Variants in TREX1 observed in about 807,000 individuals in gnomAD.
TREX1 encodes the protein three-prime repair exonuclease 1.
Under a neutral mutation model 13.7 loss-of-function variants are expected in TREX1, and 11 were observed. That is an observed-to-expected ratio of 0.80 (90% CI 0.51 to 1.33). The LOEUF (loss-of-function observed/expected upper bound fraction) is 1.33. Among genes scored for constraint, TREX1 ranks in the 40% most tolerant of loss-of-function variants. The pLI is 0.00. For synonymous variants in TREX1, 178 were observed against 178.8 expected (o/e 1.00, Z 0.03); for missense variants, 409 against 404.4 (o/e 1.01, Z -0.10).
Position 48,467,388 on chromosome 3 carries a change from C to CCAT in TREX1, c.735_737dup (p.Ser246dup), listed in dbSNP as rs1460105875. 3.1e-6 allele frequency: 5 copies of CCAT among 1,614,074 alleles called. No individual in the cohort carries two copies. Among genetic ancestry groups the CCAT allele is most frequent in the African/African-American group, 2.7e-5 (2 of 74,934 alleles). Reference sequence around the variant, plus strand: ...AGCCTCTGCTAGGACCAAGCCAAGACCATCTGCTGTCACAACCACTGCACA... The same window carrying CCAT: ...AGCCTCTGCTAGGACCAAGCCAAGACCATCATCTGCTGTCACAACCACTGCACA... On this transcript the variant is annotated inframe_insertion, in exon 2 of 2. Coordinates refer to ENST00000625293, the MANE Select transcript of TREX1 (RefSeq NM_033629.6).
At chr3:48,466,595 G>A (rs988665990) in intron 1 of TREX1, 35 bp from the exon 2 acceptor site, 1 of 1,613,612 alleles carries the variant, frequency 6.2e-7, no homozygotes, top group Non-Finnish European at 8.5e-7. Flanking sequence ...TCTTAACACT[G>A]GGCACTCACA....
Position 48,467,189 on chromosome 3 carries a change from C to A in TREX1, c.534C>A (p.Ser178Arg), listed in dbSNP as rs1424706594. 6.2e-7 allele frequency: 1 copy of A among 1,613,916 alleles called. No homozygotes were observed. The stretch of plus-strand genomic sequence containing the variant: ...AACACGGCCCAAGGAAGAGCTATAG[C>A]CTAGGCAGCATCTACACTCGCCTGT... ...PSEHGPRKSYSLGSIYTRLYG... is the reference protein window; with the variant it reads ...PSEHGPRKSYRLGSIYTRLYG... Residue 178 changes from serine to arginine, a missense_variant, in exon 2 of 2, where the codon AGC (serine) becomes AGA (arginine). Physicochemically the swap from Ser to Arg is moderately radical, Grantham distance 110. Coordinates refer to ENST00000625293, the MANE Select transcript of TREX1 (RefSeq NM_033629.6).
upstream of TREX1, chr3:48,465,950 A>G (rs1003727618): frequency 3.5e-6 from 1 of 287,124 alleles, no homozygotes; most frequent in Non-Finnish European, 6.8e-6. Flanking sequence ...TGGGCATGAA[A>G]GGGCCGCAGC....
At position 48,467,338 on chromosome 3, in the gene TREX1, C is replaced by T. The variant is rs777802035; in HGVS notation, c.683C>T (p.Thr228Ile). 5 of 1,614,060 alleles carry T rather than the reference C, an allele frequency of 3.1e-6. No homozygotes were observed. The African/African-American group carries it at 4.0e-5, about 13-fold the overall frequency. Residue 228 changes from threonine to isoleucine, a missense_variant, in exon 2 of 2, where the codon ACC becomes ATC. Thr to Ile is a moderately conservative substitution (Grantham distance 89). Transcript: ENST00000625293. ...GATGCTCACGCCAGGCCTTTCGGCA[C>T]CATCAGGCCCATGTATGGGGTCACA... Reference protein sequence around the residue: ...WVDAHARPFGTIRPMYGVTAS... With the variant: ...WVDAHARPFGIIRPMYGVTAS...
Position 48,466,717 on chromosome 3 carries a change from C to T in TREX1, c.62C>T (p.Ala21Val). The T allele has an allele frequency of 6.2e-7, 1 of 1,614,108 alleles. No homozygotes were observed. Among genetic ancestry groups the T allele is most frequent in the Non-Finnish European group, 8.5e-7 (1 of 1,180,030 alleles). The change falls in exon 2 of 2, where the codon GCC becomes GTC. Residue 21 changes from alanine to valine, a missense_variant. Physicochemically the swap from Ala to Val is moderately conservative, Grantham distance 64. Coordinates refer to ENST00000625293, the MANE Select transcript of TREX1 (RefSeq NM_033629.6). The stretch of plus-strand genomic sequence containing the variant: ...ACCCTCATCTTTTTCGACATGGAGG[C>T]CACTGGCTTGCCCTTCTCCCAGCCC... ...MQTLIFFDME[A>V]TGLPFSQPKV... is the part of the protein sequence containing the mutation.
In TREX1 at chr3:48,467,502, TCCAGGGAGGGGCTGCTGGCC is replaced by T; in HGVS notation, c.851_870del (p.Arg284ThrfsTer34). Reference sequence around the variant, plus strand: ...TCCAGTGAAGGACCCTGGAGCCCTATCCAGGGAGGGGCTGCTGGCCCCACTGGGTCTGCTGGCCATCCTGA... The same window carrying T: ...TCCAGTGAAGGACCCTGGAGCCCTATCCACTGGGTCTGCTGGCCATCCTGA... On this transcript the variant is annotated frameshift_variant, in exon 2 of 2. Coordinates refer to ENST00000625293, the MANE Select transcript of TREX1 (RefSeq NM_033629.6). LOFTEE classifies it high-confidence loss of function. 3 of 1,614,082 alleles carry T rather than the reference TCCAGGGAGGGGCTGCTGGCC, an allele frequency of 1.9e-6. No individual in the cohort carries two copies. The highest frequency in any genetic ancestry group is 2.5e-6 in the Non-Finnish European group (3 of 1,180,008).
chr3:48,466,874 G>A lies in TREX1; in HGVS notation c.219G>A (p.Pro73=), dbSNP rs778992418. The change falls in exon 2 of 2, where the codon CCG becomes CCA. Residue 73 remains proline, a synonymous_variant. Transcript: ENST00000625293. Reference sequence around the variant, plus strand: ...ACAAGCTCTCCCTGTGTGTGGCTCCGGGGAAGGCCTGCAGCCCTGCAGCCA... The same window carrying A: ...ACAAGCTCTCCCTGTGTGTGGCTCCAGGGAAGGCCTGCAGCCCTGCAGCCA... ...VVDKLSLCVA[P]GKACSPAASE... is the part of the protein sequence containing the mutation. The A allele has an allele frequency of 9.0e-5, 145 of 1,613,148 alleles. No individual in the cohort carries two copies. The highest frequency in any genetic ancestry group is 1.1e-4 in the Non-Finnish European group (124 of 1,180,012).
chr3:48,467,278 G>C lies in TREX1; in HGVS notation c.623G>C (p.Cys208Ser), dbSNP rs146524913. Residue 208 changes from cysteine to serine, a missense_variant, in exon 2 of 2, where the codon TGT becomes TCT. Transcript: ENST00000625293. The part of the protein sequence containing the change: ...EGDVLALLSI[C>S]QWRPQALLRW... ...GATGTCCTGGCCCTGCTCAGCATCT[G>C]TCAGTGGAGACCACAGGCCCTGCTG... is the stretch of plus-strand genomic sequence containing the variant. The C allele has an allele frequency of 2.0e-4, 315 of 1,614,060 alleles. No individual in the cohort carries two copies. Among genetic ancestry groups the C allele is most frequent in the Non-Finnish European group, 2.6e-4 (310 of 1,180,038 alleles).
In TREX1 at chr3:48,466,750, C is replaced by G. The variant is rs755138065; in HGVS notation, c.95C>G (p.Thr32Arg). Residue 32 changes from threonine (T) to arginine (R), a missense_variant, in exon 2 of 2, where the codon ACG becomes AGG. Thr to Arg is a moderately conservative substitution (Grantham distance 71, BLOSUM62 -1). Transcript: ENST00000625293. The part of the protein sequence containing the change: ...TGLPFSQPKV[T>R]ELCLLAVHRC... ...TTGCCCTTCTCCCAGCCCAAGGTCA[C>G]GGAGCTGTGCCTGCTGGCTGTCCAC... 6.2e-7 allele frequency: 1 copy of G among 1,613,976 alleles called. No individual in the cohort carries two copies. Among genetic ancestry groups the G allele is most frequent in the South Asian group, 1.1e-5 (1 of 91,086 alleles).
chr3:48,467,191 T>G lies in TREX1; in HGVS notation c.536T>G (p.Leu179Arg), dbSNP rs886058625. The change falls in exon 2 of 2, where the codon CTA becomes CGA. Residue 179 changes from leucine (L) to arginine (R), a missense_variant. Coordinates refer to ENST00000625293, the MANE Select transcript of TREX1 (RefSeq NM_033629.6). Reference sequence around the variant, plus strand: ...CACGGCCCAAGGAAGAGCTATAGCCTAGGCAGCATCTACACTCGCCTGTAT... The same window carrying G: ...CACGGCCCAAGGAAGAGCTATAGCCGAGGCAGCATCTACACTCGCCTGTAT... Reference protein sequence around the residue: ...SEHGPRKSYSLGSIYTRLYGQ... With the variant: ...SEHGPRKSYSRGSIYTRLYGQ... 1.9e-6 allele frequency: 3 copies of G among 1,613,682 alleles called. No individual in the cohort carries two copies. The East Asian group carries it at 6.7e-5, about 36-fold the overall frequency.
At position 48,466,933 on chromosome 3, in the gene TREX1, C is replaced by T. The variant is rs1386396939; in HGVS notation, c.278C>T (p.Ala93Val). The T allele has an allele frequency of 6.2e-7, 1 of 1,611,496 alleles. No individual in the cohort carries two copies. Among genetic ancestry groups the T allele is most frequent in the Non-Finnish European group, 8.5e-7 (1 of 1,180,016 alleles). Residue 93 changes from alanine to valine, a missense_variant, in exon 2 of 2, where the codon GCA (alanine) becomes GTA (valine). Ala to Val is a moderately conservative substitution (Grantham distance 64). Transcript: ENST00000625293. ...EITGLSTAVL[A>V]AHGRQCFDDN... ...ACAGGTCTGAGCACAGCTGTGCTGG[C>T]AGCGCATGGGCGTCAATGTTTTGAT... is the stretch of plus-strand genomic sequence containing the variant.
chr3:48,467,483 G>A lies in TREX1; in HGVS notation c.828G>A (p.Val276=), dbSNP rs149654159. ...ESRGTKDLPP[V]KDPGALSREG... is the part of the protein sequence containing the mutation. ...GGGGTACCAAGGATCTTCCTCCAGT[G>A]AAGGACCCTGGAGCCCTATCCAGGG... Residue 276 remains valine, a synonymous_variant, in exon 2 of 2, where the codon GTG becomes GTA. Coordinates refer to ENST00000625293, the MANE Select transcript of TREX1 (RefSeq NM_033629.6). 3 of 1,614,022 alleles carry A rather than the reference G, an allele frequency of 1.9e-6. No homozygotes were observed. The highest frequency in any genetic ancestry group is 1.7e-5 in the Admixed American group (1 of 60,016).
In TREX1 at chr3:48,467,002, C is replaced by T. The variant is rs765151974; in HGVS notation, c.347C>T (p.Pro116Leu). The change falls in exon 2 of 2, where the codon CCA becomes CTA. Residue 116 changes from proline to leucine, a missense_variant. Physicochemically the swap from Pro to Leu is moderately conservative, Grantham distance 98. Coordinates refer to ENST00000625293, the MANE Select transcript of TREX1 (RefSeq NM_033629.6). Reference sequence around the variant, plus strand: ...CTCCTAGCCTTCCTGCGGCGCCAGCCACAGCCCTGGTGCCTGGTGGCACAC... The same window carrying T: ...CTCCTAGCCTTCCTGCGGCGCCAGCTACAGCCCTGGTGCCTGGTGGCACAC... ...NLLLAFLRRQ[P>L]QPWCLVAHNG... is the part of the protein sequence containing the mutation. 6 of 1,613,822 alleles carry T rather than the reference C, an allele frequency of 3.7e-6. No individual in the cohort carries two copies. Among genetic ancestry groups the T allele is most frequent in the African/African-American group, 1.3e-5 (1 of 75,060 alleles).
chr3:48,467,553 GCAGTAGC>G lies in TREX1; in HGVS notation c.901_907del (p.Val301HisfsTer19). ...GGGTCTGCTGGCCATCCTGACCTTGGCAGTAGCCACACTGTATGGACTATCCCTGGCC... is the reference window on the plus strand; with the variant it reads ...GGGTCTGCTGGCCATCCTGACCTTGGCACACTGTATGGACTATCCCTGGCC... On this transcript the variant is annotated frameshift_variant, in exon 2 of 2. Coordinates refer to ENST00000625293, the MANE Select transcript of TREX1 (RefSeq NM_033629.6). LOFTEE classifies it high-confidence loss of function. The G allele has an allele frequency of 6.2e-7, 1 of 1,613,828 alleles. No homozygotes were observed. Among genetic ancestry groups the G allele is most frequent in the Non-Finnish European group, 8.5e-7 (1 of 1,179,974 alleles).
rs777034646 is a variant in TREX1 at position 48,466,837 on chromosome 3, C to T, written c.182C>T (p.Pro61Leu). Reference protein sequence around the residue: ...QGPPPTVPPPPRVVDKLSLCV... With the variant: ...QGPPPTVPPPLRVVDKLSLCV... ...CCACCTCCCACAGTTCCTCCACCAC[C>T]GCGTGTGGTAGACAAGCTCTCCCTG... The change falls in exon 2 of 2, where the codon CCG (proline) becomes CTG (leucine). Residue 61 changes from proline (P) to leucine (L), a missense_variant. By Grantham distance (98) the Pro-to-Leu change is moderately conservative. Transcript: ENST00000625293. The T allele has an allele frequency of 1.7e-5, 27 of 1,614,018 alleles. No homozygotes were observed. Among genetic ancestry groups the T allele is most frequent in the South Asian group, 6.6e-5 (6 of 91,088 alleles).
upstream of TREX1, chr3:48,466,202 G>C: frequency 1.8e-6 from 1 of 552,192 alleles, no homozygotes; most frequent in South Asian, 2.0e-5. Context: ...GCTCACGTGG[G>C]CCTGTAGGCG....
chr3:48,467,418 G>C lies in TREX1; in HGVS notation c.763G>C (p.Ala255Pro). 3 of 1,614,216 alleles carry C rather than the reference G, an allele frequency of 1.9e-6. No homozygotes were observed. The highest frequency in any genetic ancestry group is 2.5e-6 in the Non-Finnish European group (3 of 1,180,042). Reference sequence around the variant, plus strand: ...TGCTGTCACAACCACTGCACACCTGGCCACAACCAGGAACACTAGTCCCAG... The same window carrying C: ...TGCTGTCACAACCACTGCACACCTGCCCACAACCAGGAACACTAGTCCCAG... ...PSAVTTTAHL[A>P]TTRNTSPSLG... Residue 255 changes from alanine (A) to proline (P), a missense_variant, in exon 2 of 2, where the codon GCC becomes CCC. Ala to Pro is a conservative substitution (Grantham distance 27, BLOSUM62 -1). Coordinates refer to ENST00000625293, the MANE Select transcript of TREX1 (RefSeq NM_033629.6).
chr3:48,466,860 CTG>C lies in TREX1; in HGVS notation c.212_213del (p.Val71GlyfsTer30), dbSNP rs74689946. On this transcript the variant is annotated frameshift_variant, in exon 2 of 2. Coordinates refer to ENST00000625293, the MANE Select transcript of TREX1 (RefSeq NM_033629.6). LOFTEE classifies it high-confidence loss of function. Reference sequence around the variant, plus strand: ...ACCGCGTGTGGTAGACAAGCTCTCCCTGTGTGTGGCTCCGGGGAAGGCCTGCA... The same window carrying C: ...ACCGCGTGTGGTAGACAAGCTCTCCCTGTGTGGCTCCGGGGAAGGCCTGCA... Reference protein sequence around the residue: ...PPPRVVDKLSLCVAPGKACSP... With the variant: ...PPPRVVDKLSXCVAPGKACSP... 5.6e-6 allele frequency: 9 copies of C among 1,613,774 alleles called. No homozygotes were observed. Among genetic ancestry groups the C allele is most frequent in the Non-Finnish European group, 2.5e-6 (3 of 1,180,036 alleles).
Position 48,466,641 on chromosome 3 carries a change from GGTAC to G in TREX1, c.-10_-7del. 6.2e-7 allele frequency: 1 copy of G among 1,613,892 alleles called. No homozygotes were observed. On this transcript the variant is annotated 5_prime_UTR_variant, in exon 2 of 2. Transcript: ENST00000625293. ...ATGCTCCTCTCCAGGCTCAGCAGCA[GGTAC>G]GTACCCAACCATGGGCTCGCAGGCC...
Sources: gnomAD v4.1 joint callset for allele counts on GRCh38, gnomAD v4.1.1 for gene constraint, MANE v1.5 for transcripts, NCBI Gene and HGNC (gene_info 2026-07-23, HGNC 2026-07-21) for gene names.